The following ENTHD1 variants were observed in gnomAD, a reference collection of about 807,000 sequenced individuals.
ENTHD1 encodes ENTH domain-containing protein 1.
Under a neutral mutation model 39.1 loss-of-function variants are expected in ENTHD1, and 23 were observed. The observed-to-expected ratio is 0.59, with a 90% CI of 0.42 to 0.83. ENTHD1 has a LOEUF of 0.83. Ranked by LOEUF, ENTHD1 falls within the 40% of genes least tolerant of loss-of-function variation. ENTHD1 has a pLI of 0.00. For synonymous variants in ENTHD1, 230 were observed against 258.2 expected, an observed-to-expected ratio of 0.89 and a Z score of 1.05; for missense variants, 624 against 705.4, an observed-to-expected ratio of 0.88 and a Z score of 1.31.
At chr22:39,836,006 ATGTTTTT>A in intron 3 of ENTHD1, 48 bp from the exon 4 acceptor site, 1 of 1,377,528 alleles carries the variant, frequency 7.3e-7, no homozygotes, top group Non-Finnish European at 1.0e-6. Flanking sequence ...AAACACAGTT[ATGTTTTT>A]ATATTAGTTC....
chr22:39,777,252 G>A (rs1051136793), intron 5 of ENTHD1, among the ~76,000 whole-genome samples: 3 of 152,188 alleles, frequency 2.0e-5, no homozygotes, highest in Non-Finnish European at 4.4e-5. Context: ...TAAAAGACAA[G>A]CAACCAAGTT....
chr22:39,819,485 A>AC (rs1284163016), intron 5 of ENTHD1, among the ~76,000 whole-genome samples: 1 of 152,158 alleles, frequency 6.6e-6, no homozygotes, highest in African/African-American at 2.4e-5. Flanking sequence ...TAAAAAAAAA[A>AC]AATCTAAAAA....
chr22:39,762,315 A>G (rs887947023), intron 6 of ENTHD1, among the ~76,000 whole-genome samples: 6 of 152,180 alleles, frequency 3.9e-5, no homozygotes, highest in Admixed American at 3.3e-4. Context: ...TCCCTGCCAG[A>G]ACTGAACTCT....
intron 3 of ENTHD1, among the ~76,000 whole-genome samples, chr22:39,836,266 A>G (rs1177253575): frequency 7.9e-5 from 12 of 152,180 alleles, no homozygotes; most frequent in African/African-American, 2.9e-4. Context: ...ACTGCATACT[A>G]ACAATAATTA....
At chr22:39,755,515 C>T (rs532995591) in intron 6 of ENTHD1, among the ~76,000 whole-genome samples, 76 of 152,292 alleles carry the variant, frequency 5.0e-4, no homozygotes, top group African/African-American at 1.8e-3. Context: ...CAAACTACTC[C>T]AGCTGCTTGA....
chr22:39,756,161 C>T (rs890017397), intron 6 of ENTHD1, among the ~76,000 whole-genome samples: 2 of 152,118 alleles, frequency 1.3e-5, no homozygotes, highest in South Asian at 2.1e-4. Context: ...TGTGGCCCTC[C>T]GTCATGGAGC....
intron 5 of ENTHD1, among the ~76,000 whole-genome samples, chr22:39,806,440 A>G (rs1189319761): frequency 3.9e-5 from 6 of 152,200 alleles, no homozygotes; most frequent in African/African-American, 1.4e-4. Context: ...TTCTTTTAAA[A>G]AGCCATGATG....
At chr22:39,835,726 C>T (rs1248866433) in intron 4 of ENTHD1, 114 bp downstream of exon 4, 2 of 608,616 alleles carry the variant, frequency 3.3e-6, no homozygotes, top group Non-Finnish European at 5.6e-6. Flanking sequence ...TTGATTTTAG[C>T]CCAGTGAGCC....
At chr22:39,771,435 A>G (rs1051210839) in intron 5 of ENTHD1, among the ~76,000 whole-genome samples, 9 of 152,208 alleles carry the variant, frequency 5.9e-5, no homozygotes, top group African/African-American at 1.9e-4. Flanking sequence ...AACAAGATTC[A>G]GAGCTACCAC....
intron 5 of ENTHD1, among the ~76,000 whole-genome samples, chr22:39,784,201 A>C (rs759299642): frequency 6.6e-5 from 10 of 152,194 alleles, no homozygotes; most frequent in Non-Finnish European, 1.0e-4. Context: ...ATGAGATATC[A>C]TCTCACTCCA....
At chr22:39,806,135 C>T (rs1466711344) in intron 5 of ENTHD1, among the ~76,000 whole-genome samples, 5 of 152,248 alleles carry the variant, frequency 3.3e-5, no homozygotes, top group African/African-American at 1.2e-4. Flanking sequence ...ACACTACAGA[C>T]AGATCCTGGC....
At chr22:39,876,179 A>G (rs2066287907) in intron 2 of ENTHD1, 1 of 1,481,694 alleles carries the variant, frequency 6.7e-7, no homozygotes, top group Admixed American at 2.4e-5. Flanking sequence ...CTTATTTGAG[A>G]GGAAGCCTTC....
chr22:39,835,760 G>A, intron 4 of ENTHD1, 80 bp downstream of exon 4: 1 of 1,001,324 alleles, frequency 1.0e-6, no homozygotes, highest in South Asian at 1.7e-5. Flanking sequence ...CTAACCTACA[G>A]AAGATAATAA....
chr22:39,814,067 G>T (rs2065714250), intron 5 of ENTHD1, among the ~76,000 whole-genome samples: 2 of 151,890 alleles, frequency 1.3e-5, no homozygotes, highest in Non-Finnish European at 2.9e-5. Flanking sequence ...AGAATGATTG[G>T]ATATCATAAA....
chr22:39,884,551 GA>G (rs200983153), intron 2 of ENTHD1, among the ~76,000 whole-genome samples: 85 of 132,704 alleles, frequency 6.4e-4, no homozygotes, highest in Admixed American at 7.5e-4. Flanking sequence ...ACTCAGAATA[GA>G]AAAAAAAAAA....
At chr22:39,803,816 G>A (rs1380788573) in intron 5 of ENTHD1, among the ~76,000 whole-genome samples, 1 of 152,104 alleles carries the variant, frequency 6.6e-6, no homozygotes, top group Non-Finnish European at 1.5e-5. Context: ...ATTAACAGAA[G>A]GCTTTATTAA....
chr22:39,834,607 G>A (rs1240989505), intron 4 of ENTHD1, among the ~76,000 whole-genome samples: 7 of 151,970 alleles, frequency 4.6e-5, no homozygotes, highest in African/African-American at 9.7e-5. Flanking sequence ...CACACTTACC[G>A]TACAACCCTA....
Position 39,861,947 on chromosome 22 carries a change from A to G in ENTHD1, c.410T>C (p.Leu137Pro). Residue 137 changes from leucine (L) to proline (P), a missense_variant, in exon 3 of 7, where the codon CTG becomes CCG. Transcript: ENST00000325157. ...VITLLMDEPL[L>P]CKEREVACRT... ...ACATGCCACTTCCCTCTCTTTACAC[A>G]GCAATGGTTCATCCATCAGCAATGT... is the stretch of plus-strand genomic sequence containing the variant. The G allele has an allele frequency of 1.3e-6, 2 of 1,582,752 alleles. No individual in the cohort carries two copies. The highest frequency in any genetic ancestry group is 8.6e-7 in the Non-Finnish European group (1 of 1,159,180).
chr22:39,804,452 C>CAAAA (rs541007024), intron 5 of ENTHD1, among the ~76,000 whole-genome samples: 1 of 78,044 alleles, frequency 1.3e-5, no homozygotes. Context: ...GACTCTGTCT[C>CAAAA]AAAAAAAAAA....
Sources: gnomAD v4.1 joint callset for allele counts (sites outside exome capture counted in the v4.1 genomes callset) on GRCh38, gnomAD v4.1.1 for gene constraint, MANE v1.5 for transcripts, NCBI Gene and HGNC (gene_info 2026-07-23, HGNC 2026-07-21) for gene names.